The following MS4A6E variants were observed in gnomAD, a reference collection of about 807,000 sequenced individuals.
The protein encoded by MS4A6E is membrane-spanning 4-domains subfamily A member 6E.
A neutral mutation model predicts 13.2 loss-of-function variants in MS4A6E; 8 were observed. The observed-to-expected ratio is 0.60, with a 90% CI of 0.35 to 1.09. The LOEUF (loss-of-function observed/expected upper bound fraction) is 1.09. Ranked by LOEUF, MS4A6E falls within the 50% of genes least tolerant of loss-of-function variation. The pLI is 0.02. For synonymous variants in MS4A6E, 72 were observed against 67.6 expected (o/e 1.06, Z -0.32); for missense variants, 177 against 171.1 (o/e 1.03, Z -0.19).
chr11:60,347,391 A>C (rs924888291), intron 4 of MS4A6E, among the ~76,000 whole-genome samples: 1 of 152,094 alleles, frequency 6.6e-6, no homozygotes, highest in Non-Finnish European at 1.5e-5. Flanking sequence ...GTTGGATAAT[A>C]TTAAAATCAA....
chr11:60,336,693 T>C (rs2085190613), intron 2 of MS4A6E, among the ~76,000 whole-genome samples: 1 of 152,132 alleles, frequency 6.6e-6, no homozygotes, highest in East Asian at 1.9e-4. Context: ...GTTGGGAAAT[T>C]GGGGTCCCAG....
intron 1 of MS4A6E, among the ~76,000 whole-genome samples, chr11:60,331,264 T>A (rs1020524103): frequency 1.3e-5 from 2 of 151,968 alleles, no homozygotes; most frequent in Admixed American, 6.6e-5. Context: ...CAATATATAG[T>A]TCTTATTACA....
chr11:60,341,894 G>A (rs2085228093), downstream of MS4A6E, among the ~76,000 whole-genome samples: 1 of 151,982 alleles, frequency 6.6e-6, no homozygotes, highest in African/African-American at 2.4e-5. Flanking sequence ...TTTGCCTATT[G>A]TGGACATTCA....
intron 1 of MS4A6E, among the ~76,000 whole-genome samples, chr11:60,328,688 T>C (rs1427196901): frequency 6.6e-6 from 1 of 151,946 alleles, no homozygotes; most frequent in Non-Finnish European, 1.5e-5. Context: ...ATATGTGGAA[T>C]CTAAAATAAC....
At chr11:60,339,175 A>G (rs1362388120) in intron 3 of MS4A6E, among the ~76,000 whole-genome samples, 1 of 152,270 alleles carries the variant, frequency 6.6e-6, no homozygotes, top group East Asian at 1.9e-4. Flanking sequence ...AGAATGTCTC[A>G]GGACAGAAAT....
intron 1 of MS4A6E, among the ~76,000 whole-genome samples, chr11:60,327,872 A>G (rs1016305458): frequency 3.4e-4 from 51 of 152,096 alleles, no homozygotes; most frequent in African/African-American, 1.2e-3. Flanking sequence ...TCTACCAAAA[A>G]TACAAAAATT....
At chr11:60,336,797 C>T (rs144381026) in intron 2 of MS4A6E, among the ~76,000 whole-genome samples, 33 of 152,160 alleles carry the variant, frequency 2.2e-4, no homozygotes, top group African/African-American at 7.5e-4. Flanking sequence ...TGGAGCCTAC[C>T]TACCTGTAAC....
chr11:60,343,924 G>T (rs370224138), downstream of MS4A6E, among the ~76,000 whole-genome samples: 1 of 152,124 alleles, frequency 6.6e-6, no homozygotes, highest in East Asian at 1.9e-4. Context: ...ACAGTGTAGG[G>T]CCCTTCCCAG....
chr11:60,337,078 C>G (rs2085192523), intron 2 of MS4A6E, among the ~76,000 whole-genome samples: 1 of 152,090 alleles, frequency 6.6e-6, no homozygotes, highest in African/African-American at 2.4e-5. Context: ...GGGCCCGCAC[C>G]TAGACCTCTG....
chr11:60,342,090 G>A (rs1249410651), downstream of MS4A6E, among the ~76,000 whole-genome samples: 1 of 151,120 alleles, frequency 6.6e-6, no homozygotes, highest in African/African-American at 2.4e-5. Context: ...ACTGTTATTT[G>A]AGCACAGAAT....
intron 4 of MS4A6E, among the ~76,000 whole-genome samples, chr11:60,346,616 G>A (rs1024418157): frequency 2.6e-5 from 4 of 152,170 alleles, no homozygotes. Context: ...ATAATTAAAA[G>A]GTTTGGCCCT....
At chr11:60,338,016 C>T in intron 3 of MS4A6E, 69 bp downstream of exon 3, 1 of 1,481,276 alleles carries the variant, frequency 6.8e-7, no homozygotes, top group African/African-American at 1.4e-5. Context: ...CTTATTATTC[C>T]ATCCTTTGAA....
rs115874164 is a variant in MS4A6E at position 60,328,183 on chromosome 11, G to A, written c.-15+775G>A. Among the ~76,000 whole-genome samples the A allele has an allele frequency of 5.9e-3, 893 of 152,238 alleles. 7 individuals carry two copies. Among genetic ancestry groups the A allele is most frequent in the African/African-American group, 0.02 (837 of 41,538 alleles). ...GATGTTTGGTGAAATAAATATCTAA[G>A]TGAAGTGTTCAGGGAACTGACTGCT... On this transcript the variant is annotated intron_variant, in intron 1 of 4. Transcript: ENST00000684409.
Position 60,334,714 on chromosome 11 carries a change from C to T in MS4A6E, c.-14-168C>T, listed in dbSNP as rs2085177208. ...ACTGTGTCAAACATTATGGAAAAAT[C>T]CTCATGATACCAAGGTTGTGTGGCT... On this transcript the variant is annotated intron_variant, in intron 1 of 4. Coordinates refer to ENST00000684409, the MANE Select transcript of MS4A6E (RefSeq NM_139249.4). 4.4e-6 allele frequency: 3 copies of T among 676,922 alleles called. No homozygotes were observed. In the Admixed American group the frequency reaches 8.8e-5, roughly 20 times the overall value. The allele number at this position is 676,922 out of a possible 1,614,324, so 41.9% of individuals were successfully genotyped here. A position where few individuals can be genotyped will look rare whatever the true frequency, so the allele number is the denominator to read the frequency against.
At chr11:60,338,058 G>C in intron 3 of MS4A6E, 111 bp downstream of exon 3, 1 of 1,069,076 alleles carries the variant, frequency 9.4e-7, no homozygotes, top group Non-Finnish European at 1.3e-6. Context: ...TTGGGCATCT[G>C]GAGGAAGGCC....
rs1018142292 is a variant in MS4A6E at position 60,327,772 on chromosome 11, T to C, written c.-15+364T>C. On this transcript the variant is annotated intron_variant, in intron 1 of 4. Coordinates refer to ENST00000684409, the MANE Select transcript of MS4A6E (RefSeq NM_139249.4). ...GCCAGGCGCAGTGGTTCAATGCTTG[T>C]AATCCCATTCACTTTGGGAGGCCGA... is the stretch of plus-strand genomic sequence containing the variant. 5.3e-5 allele frequency among the ~76,000 whole-genome samples: 8 copies of C among 152,260 alleles called. No homozygotes were observed. The South Asian group carries it at 1.0e-3, about 20-fold the overall frequency.
In MS4A6E at chr11:60,327,328, C is replaced by T. The variant is rs2085125974; in HGVS notation, c.-95C>T. On this transcript the variant is annotated 5_prime_UTR_variant, in exon 1 of 5. Transcript: ENST00000684409. ...TCTGGAAGATGCAGCAACAAGATAC[C>T]ATCTTGGAAGCAAGCAACGTGACCC... Among the ~76,000 whole-genome samples, 1 of 152,178 alleles carries T rather than the reference C, an allele frequency of 6.6e-6. No homozygotes were observed. The highest frequency in any genetic ancestry group is 2.4e-5 in the African/African-American group (1 of 41,436).
chr11:60,346,799 T>C (rs972214273), intron 4 of MS4A6E, among the ~76,000 whole-genome samples: 2 of 152,212 alleles, frequency 1.3e-5, no homozygotes, highest in Non-Finnish European at 1.5e-5. Context: ...CTTTTCAGTC[T>C]ACTATAAAAA....
At position 60,337,944 on chromosome 11, in the gene MS4A6E, G is replaced by T; in HGVS notation, c.351G>T (p.Leu117=). The part of the protein sequence containing the change: ...TMDCHRAKAS[L]AGTLSLMLVS... The stretch of plus-strand genomic sequence containing the variant: ...ACTGCCATAGAGCCAAAGCCAGTCT[G>T]GCTGTAAGTATTTTTTAGATGGGAT... Residue 117 remains leucine (L), a synonymous_variant, in exon 3 of 5, where the codon CTG becomes CTT. Transcript: ENST00000684409. 2.5e-6 allele frequency: 4 copies of T among 1,613,488 alleles called. No individual in the cohort carries two copies. The highest frequency in any genetic ancestry group is 3.4e-6 in the Non-Finnish European group (4 of 1,179,602).
Sources: gnomAD v4.1 joint callset for allele counts (sites outside exome capture counted in the v4.1 genomes callset) on GRCh38, gnomAD v4.1.1 for gene constraint, MANE v1.5 for transcripts, NCBI Gene and HGNC (gene_info 2026-07-23, HGNC 2026-07-21) for gene names.